ELAVL4: variants seen among roughly 807,000 people sequenced by gnomAD.
The protein encoded by ELAVL4 is ELAV-like protein 4.
A neutral mutation model predicts 35.6 loss-of-function variants in ELAVL4; 1 was observed. The observed-to-expected ratio is 0.03, with a 90% CI of 0.01 to 0.13. ELAVL4 has a LOEUF of 0.13. Among genes scored for constraint, ELAVL4 ranks in the 10% least tolerant of loss-of-function variants. ELAVL4 has a pLI of 1.00. For missense variants in ELAVL4, 267 were observed against 464.9 expected (o/e 0.57, Z 3.91); for synonymous variants, 156 against 171.0 (o/e 0.91, Z 0.69).
At chr1:50,048,146 G>C (rs769800117) in exon 1 of ELAVL4, 1 of 1,519,882 alleles carries the variant, frequency 6.6e-7, no homozygotes, top group Non-Finnish European at 8.8e-7. Context: ...GCCTCGGGCC[G>C]GATCGCCCGG....
chr1:50,151,551 A>G (rs1674790114), intron 2 of ELAVL4, among the ~76,000 whole-genome samples: 1 of 152,226 alleles, frequency 6.6e-6, no homozygotes. Context: ...ATTTAGGCAT[A>G]TCCAAGAAAA....
At chr1:50,062,652 T>A (rs957636272) in intron 1 of ELAVL4, among the ~76,000 whole-genome samples, 3 of 152,056 alleles carry the variant, frequency 2.0e-5, no homozygotes, top group Non-Finnish European at 2.9e-5. Flanking sequence ...AAGATGTGAA[T>A]AGAAAAGAGA....
intron 1 of ELAVL4, among the ~76,000 whole-genome samples, chr1:50,064,031 G>A (rs1458593342): frequency 6.6e-6 from 1 of 152,110 alleles, no homozygotes; most frequent in African/African-American, 2.4e-5. Context: ...GAACAAATGA[G>A]GAATCCCAGA....
chr1:50,114,256 G>T (rs1268938496), intron 1 of ELAVL4, among the ~76,000 whole-genome samples: 1 of 152,010 alleles, frequency 6.6e-6, no homozygotes, highest in African/African-American at 2.4e-5. Flanking sequence ...CGGTGGGCAG[G>T]ATGTTTTTCT....
At chr1:50,155,621 G>A (rs35969096) in intron 2 of ELAVL4, among the ~76,000 whole-genome samples, 11,391 of 152,064 alleles carry the variant, frequency 0.075, 857 homozygotes, top group East Asian at 0.42. Flanking sequence ...TTCCTTGCCT[G>A]CTGCCCTGAA....
In ELAVL4 at chr1:50,117,248, G is replaced by A. The variant is rs557269805; in HGVS notation, c.9+8050G>A. 2.6e-4 allele frequency among the ~76,000 whole-genome samples: 40 copies of A among 152,240 alleles called. No individual in the cohort carries two copies. The South Asian group carries it at 7.5e-3, about 28-fold the overall frequency. On this transcript the variant is annotated intron_variant, in intron 1 of 6. Coordinates refer to ENST00000371824, the MANE Select transcript of ELAVL4 (RefSeq NM_001144774.3). ...ATTGTGATTAGGACCCAGAGGGCCT[G>A]TGTTCAGATGGGGCTAAAAACATAT...
At chr1:50,134,970 GGAA>G (rs1327590432) in intron 1 of ELAVL4, among the ~76,000 whole-genome samples, 1 of 152,124 alleles carries the variant, frequency 6.6e-6, no homozygotes, top group African/African-American at 2.4e-5. Flanking sequence ...ATGTGTCTGG[GGAA>G]GAAGATTAAA....
intron 6 of ELAVL4, among the ~76,000 whole-genome samples, chr1:50,199,360 C>T (rs894816561): frequency 6.6e-6 from 1 of 152,136 alleles, no homozygotes; most frequent in Non-Finnish European, 1.5e-5. Context: ...TCTCCTTTTC[C>T]TATCTCCCCC....
chr1:50,106,787 T>C (rs1209835179), upstream of ELAVL4, among the ~76,000 whole-genome samples: 1 of 152,184 alleles, frequency 6.6e-6, no homozygotes, highest in Non-Finnish European at 1.5e-5. Flanking sequence ...AAGTGATCAA[T>C]ATACAAAATG....
intron 3 of ELAVL4, among the ~76,000 whole-genome samples, chr1:50,190,871 C>T (rs1316295524): frequency 2.0e-5 from 3 of 152,204 alleles, no homozygotes; most frequent in East Asian, 1.9e-4. Context: ...ATCTTCATCA[C>T]CTCATTTGTC....
At chr1:50,140,557 C>A (rs1009256682) in intron 1 of ELAVL4, among the ~76,000 whole-genome samples, 1 of 152,120 alleles carries the variant, frequency 6.6e-6, no homozygotes, top group Admixed American at 6.5e-5. Context: ...CCTCTTGTTT[C>A]ATTCACATGT....
intron 2 of ELAVL4, among the ~76,000 whole-genome samples, chr1:50,165,463 C>A (rs1339858583): frequency 6.6e-6 from 1 of 150,446 alleles, no homozygotes; most frequent in African/African-American, 2.4e-5. Flanking sequence ...TAGATACACA[C>A]ACACACACAC....
intron 1 of ELAVL4, among the ~76,000 whole-genome samples, chr1:50,098,242 T>G (rs1257319757): frequency 2.6e-5 from 4 of 152,228 alleles, no homozygotes; most frequent in African/African-American, 7.2e-5. Context: ...TATTCACTCT[T>G]CTCAGTAAGG....
chr1:50,191,202 C>T (rs1297603601), intron 3 of ELAVL4, among the ~76,000 whole-genome samples: 1 of 152,180 alleles, frequency 6.6e-6, no homozygotes, highest in African/African-American at 2.4e-5. Context: ...CTTGTTCTTG[C>T]TGTGTTGCCA....
intron 1 of ELAVL4, 197 bp from the exon 2 acceptor site, chr1:50,144,760 G>A (rs1673393554): frequency 2.5e-6 from 2 of 810,820 alleles, no homozygotes; most frequent in Admixed American, 1.7e-5. Flanking sequence ...TCTATGGGCT[G>A]GCCTAAAAAT....
intron 3 of ELAVL4, among the ~76,000 whole-genome samples, chr1:50,184,114 G>A (rs1295619767): frequency 6.6e-6 from 1 of 152,158 alleles, no homozygotes; most frequent in Admixed American, 6.5e-5. Flanking sequence ...TGGCTGCTCT[G>A]CTTCCCAGTG....
At chr1:50,197,779 G>A (rs531634037) in intron 6 of ELAVL4, among the ~76,000 whole-genome samples, 63 of 152,350 alleles carry the variant, frequency 4.1e-4, no homozygotes, top group Non-Finnish European at 7.5e-4. Flanking sequence ...GAAAGGCTCC[G>A]ACTCTTTGCT....
At chr1:50,099,696 T>C (rs1211749155), upstream of ELAVL4, among the ~76,000 whole-genome samples, 7 of 152,262 alleles carry the variant, frequency 4.6e-5, no homozygotes, top group East Asian at 1.3e-3. Flanking sequence ...TTTTAATAAA[T>C]AAAATTTGGA....
At chr1:50,092,973 C>A (rs1403561361) in intron 1 of ELAVL4, among the ~76,000 whole-genome samples, 1 of 152,218 alleles carries the variant, frequency 6.6e-6, no homozygotes, top group African/African-American at 2.4e-5. Flanking sequence ...TCTGCCTATT[C>A]TCACTCCAAT....
Sources: allele counts gnomAD v4.1 joint callset (sites outside exome capture counted in the v4.1 genomes callset), GRCh38; gene constraint gnomAD v4.1.1; transcripts MANE v1.5; gene names NCBI Gene and HGNC (gene_info 2026-07-23, HGNC 2026-07-21).